MAF: variants seen among roughly 807,000 people sequenced by gnomAD.
The protein encoded by MAF is transcription factor Maf.
Under a neutral mutation model 22.0 loss-of-function variants are expected in MAF, and 10 were observed. The ratio of observed to expected loss-of-function variants is 0.45; its 90% CI spans 0.28 to 0.77. MAF has a LOEUF of 0.77. Ranked by LOEUF, MAF falls within the 30% of genes least tolerant of loss-of-function variation. The pLI, the probability that MAF is intolerant of heterozygous loss-of-function variation, is 0.12. For synonymous variants in MAF, 337 were observed against 255.8 expected (o/e 1.32, Z -3.03); for missense variants, 544 against 548.4 (o/e 0.99, Z 0.08).
At chr16:79,375,749 G>A in the MAF span, among the ~76,000 whole-genome samples, 11 of 152,234 alleles carry the variant, frequency 7.2e-5, no homozygotes, top group East Asian at 2.1e-3. Flanking sequence ...AAAATCTGCT[G>A]TAGTTTACAC....
the MAF span, among the ~76,000 whole-genome samples, chr16:79,337,592 A>G: frequency 4.6e-5 from 7 of 152,184 alleles, no homozygotes; most frequent in South Asian, 4.1e-4. Flanking sequence ...ACACAAAGAC[A>G]GCATACCATT....
chr16:79,559,443 A>G, the MAF span, among the ~76,000 whole-genome samples: 226 of 152,294 alleles, frequency 1.5e-3, 3 homozygotes, highest in African/African-American at 5.3e-3. Flanking sequence ...TTCGAGTGGC[A>G]GGTTTCAAAA....
At chr16:79,273,306 G>A in the MAF span, among the ~76,000 whole-genome samples, 1 of 152,170 alleles carries the variant, frequency 6.6e-6, no homozygotes, top group African/African-American at 2.4e-5. Context: ...CAGGGAAAGA[G>A]AAGTTCCATG....
At chr16:79,212,289 G>GCTTA in the MAF span, 9 of 1,075,426 alleles carry the variant, frequency 8.4e-6, no homozygotes, top group Non-Finnish European at 1.2e-5. Flanking sequence ...GACTGAGCCA[G>GCTTA]CTTAGCAACT....
the MAF span, among the ~76,000 whole-genome samples, chr16:79,325,274 G>A: frequency 6.6e-6 from 1 of 152,114 alleles, no homozygotes; most frequent in African/African-American, 2.4e-5. Context: ...AAAGACAGAC[G>A]GCTGGAATCA....
the MAF span, among the ~76,000 whole-genome samples, chr16:79,403,946 G>C: frequency 6.6e-6 from 1 of 152,142 alleles, no homozygotes; most frequent in Non-Finnish European, 1.5e-5. Flanking sequence ...AAAGTTGAGA[G>C]TTTGGGCAAA....
At chr16:79,360,985 C>T in the MAF span, among the ~76,000 whole-genome samples, 7 of 152,292 alleles carry the variant, frequency 4.6e-5, 1 homozygote, top group African/African-American at 1.7e-4. Flanking sequence ...TTGGCAAAAG[C>T]TACGAATCAA....
chr16:79,384,249 G>C, the MAF span, among the ~76,000 whole-genome samples: 1 of 151,864 alleles, frequency 6.6e-6, no homozygotes, highest in Admixed American at 6.6e-5. Context: ...TTCGAGACCA[G>C]CCTGGCCAAC....
At chr16:79,576,542 G>T in the MAF span, among the ~76,000 whole-genome samples, 3 of 151,256 alleles carry the variant, frequency 2.0e-5, no homozygotes, top group Admixed American at 6.6e-5. Flanking sequence ...TTTTTCAGGA[G>T]GAGTGCTATT....
chr16:79,517,496 C>T, the MAF span, among the ~76,000 whole-genome samples: 4 of 151,576 alleles, frequency 2.6e-5, no homozygotes, highest in African/African-American at 9.7e-5. Context: ...TCATTCCAGT[C>T]TTTCAAATCC....
chr16:79,407,923 C>T, the MAF span, among the ~76,000 whole-genome samples: 15 of 151,934 alleles, frequency 9.9e-5, no homozygotes, highest in East Asian at 9.7e-4. Context: ...AGGAAAGGGG[C>T]GGGTTATTTC....
chr16:79,534,040 G>A, the MAF span, among the ~76,000 whole-genome samples: 3 of 152,142 alleles, frequency 2.0e-5, no homozygotes, highest in Non-Finnish European at 2.9e-5. Context: ...TCTTACAAGA[G>A]CCCTTTGACT....
chr16:79,255,957 TTTCTTTTCTTTTTTC>T, the MAF span, among the ~76,000 whole-genome samples: 283 of 148,836 alleles, frequency 1.9e-3, 4 homozygotes, highest in Middle Eastern at 7.0e-3. Context: ...TATCTTTTCT[TTTCTTTTCTTTTTTC>T]TTTTCTTTTC....
At chr16:79,311,664 A>G in the MAF span, among the ~76,000 whole-genome samples, 5 of 152,118 alleles carry the variant, frequency 3.3e-5, no homozygotes, top group African/African-American at 9.7e-5. Flanking sequence ...TTCTCAGTCC[A>G]GAAATTTCTG....
the MAF span, among the ~76,000 whole-genome samples, chr16:79,474,332 C>T: frequency 6.6e-6 from 1 of 152,306 alleles, no homozygotes; most frequent in South Asian, 2.1e-4. Context: ...TGCCTATCTC[C>T]CCTGCAAAGG....
the MAF span, among the ~76,000 whole-genome samples, chr16:79,408,119 G>T: frequency 6.6e-6 from 1 of 151,224 alleles, no homozygotes; most frequent in African/African-American, 2.4e-5. Flanking sequence ...CGTGGTGGAG[G>T]GATGGTTAAA....
the MAF span, among the ~76,000 whole-genome samples, chr16:79,333,003 G>A: frequency 7.2e-5 from 11 of 152,240 alleles, no homozygotes; most frequent in Admixed American, 5.9e-4. Flanking sequence ...ACTGGCAGCT[G>A]GACTGGCGCA....
Position 79,597,301 on chromosome 16 carries a change from T to C in MAF, c.1118+1484A>G, listed in dbSNP as rs1913590794. 2.9e-6 allele frequency: 3 copies of C among 1,041,580 alleles called. No homozygotes were observed. The Admixed American group carries it at 1.7e-4, about 58-fold the overall frequency. 64.5% of individuals were successfully genotyped at this position (1,041,580 alleles called of 1,614,324 possible). A position where few individuals can be genotyped will look rare whatever the true frequency, so the allele number is the denominator to read the frequency against. ...GGCTAACAGATTATAAAAACTAGAA[T>C]TAAATTATATACTAGAAACCCAGAG... On this transcript the variant is annotated intron_variant, in intron 1 of 1. Coordinates refer to ENST00000326043, the MANE Select transcript of MAF (RefSeq NM_005360.5).
chr16:79,226,671 AAAGTGCTAAT>A, the MAF span, among the ~76,000 whole-genome samples: 1 of 152,042 alleles, frequency 6.6e-6, no homozygotes, highest in East Asian at 1.9e-4. Flanking sequence ...AATGAATGAA[AAAGTGCTAAT>A]AATGTTTATC....
Sources: allele counts gnomAD v4.1 joint callset (sites outside exome capture counted in the v4.1 genomes callset), GRCh38; gene constraint gnomAD v4.1.1; transcripts MANE v1.5; gene names NCBI Gene and HGNC (gene_info 2026-07-23, HGNC 2026-07-21).